Variants in NEK1 observed in about 807,000 individuals in gnomAD.
The protein encoded by NEK1 is NIMA related kinase 1.
A neutral mutation model predicts 182.1 loss-of-function variants in NEK1; 137 were observed. That is an observed-to-expected ratio of 0.75 (90% CI 0.65 to 0.87). The LOEUF is 0.87. Among genes scored for constraint, NEK1 ranks in the 40% least tolerant of loss-of-function variants. The probability of loss-of-function intolerance (pLI) is 0.00; values close to 1 mark genes in which losing one functional copy is unlikely to be tolerated. For synonymous variants in NEK1, 513 were observed against 492.2 expected (o/e 1.04, Z -0.56); for missense variants, 1,391 against 1,494.4 (o/e 0.93, Z 1.14).
At chr4:169,426,262 A>C (rs1561166546) in intron 29 of NEK1, 28 bp from the exon 30 acceptor site, 2 of 1,566,344 alleles carry the variant, frequency 1.3e-6, no homozygotes, top group Non-Finnish European at 1.8e-6. Context: ...ACCAATTAAA[A>C]ACACACACAC....
chr4:169,494,812 T>C (rs1010568957), intron 23 of NEK1, among the ~76,000 whole-genome samples: 16 of 152,234 alleles, frequency 1.1e-4, no homozygotes, highest in African/African-American at 3.6e-4. Flanking sequence ...AGATGGTATC[T>C]CATTGTGGTT....
At chr4:169,397,473 A>C (rs2110961690) in intron 35 of NEK1, among the ~76,000 whole-genome samples, 1 of 147,094 alleles carries the variant, frequency 6.8e-6, no homozygotes, top group East Asian at 1.9e-4. Context: ...ACAATATTTT[A>C]TGGGCTGTAC....
intron 18 of NEK1, among the ~76,000 whole-genome samples, chr4:169,553,570 A>G (rs1465070069): frequency 6.6e-6 from 1 of 152,214 alleles, no homozygotes; most frequent in Non-Finnish European, 1.5e-5. Context: ...GAATGAGAAG[A>G]TGAGCCACAA....
At chr4:169,569,169 T>C (rs1220693752) in intron 12 of NEK1, among the ~76,000 whole-genome samples, 1 of 152,192 alleles carries the variant, frequency 6.6e-6, no homozygotes. Context: ...ATAACTTTAA[T>C]AAAGTCTCTA....
chr4:169,480,335 C>T (rs994668923), intron 23 of NEK1, among the ~76,000 whole-genome samples: 4 of 152,008 alleles, frequency 2.6e-5, no homozygotes, highest in African/African-American at 9.7e-5. Flanking sequence ...AGATATTACG[C>T]ACTTGGTTCC....
At chr4:169,591,039 C>T (rs1768398255) in intron 5 of NEK1, among the ~76,000 whole-genome samples, 1 of 151,934 alleles carries the variant, frequency 6.6e-6, no homozygotes. Flanking sequence ...TCAAAACAAA[C>T]ATGGAAAGTA....
chr4:169,603,826 C>G (rs1770893525), intron 2 of NEK1, among the ~76,000 whole-genome samples: 1 of 151,806 alleles, frequency 6.6e-6, no homozygotes, highest in South Asian at 2.1e-4. Flanking sequence ...CTGCCTCAGC[C>G]TCCCAAGTAG....
At chr4:169,481,554 T>C (rs946291106) in intron 23 of NEK1, among the ~76,000 whole-genome samples, 1 of 152,212 alleles carries the variant, frequency 6.6e-6, no homozygotes, top group Non-Finnish European at 1.5e-5. Context: ...AGCTCTTGGG[T>C]AACTAGGTGC....
intron 23 of NEK1, among the ~76,000 whole-genome samples, chr4:169,501,942 A>G (rs1009444292): frequency 6.6e-6 from 1 of 152,012 alleles, no homozygotes; most frequent in Non-Finnish European, 1.5e-5. Context: ...AGCCATAGAA[A>G]AGATCAAAGA....
intron 27 of NEK1, among the ~76,000 whole-genome samples, chr4:169,444,237 CA>C (rs1740063988): frequency 1.3e-5 from 2 of 151,714 alleles, no homozygotes; most frequent in South Asian, 4.2e-4. Context: ...ATCCAAAAAC[CA>C]ATTAACAAAA....
At chr4:169,449,030 C>G (rs371783313) in intron 27 of NEK1, among the ~76,000 whole-genome samples, 285 of 152,362 alleles carry the variant, frequency 1.9e-3, no homozygotes, top group African/African-American at 6.7e-3. Context: ...GCAGGTCCCA[C>G]GCCCACAGAG....
At chr4:169,490,756 T>C (rs1749909317) in intron 23 of NEK1, among the ~76,000 whole-genome samples, 1 of 151,886 alleles carries the variant, frequency 6.6e-6, no homozygotes, top group Admixed American at 6.6e-5. Context: ...GATAGGTCTT[T>C]TGAAGTTGCC....
intron 18 of NEK1, among the ~76,000 whole-genome samples, chr4:169,544,931 G>A: frequency 6.6e-6 from 1 of 151,062 alleles, no homozygotes; most frequent in East Asian, 1.9e-4. Flanking sequence ...AAAAAAACCA[G>A]CTCCTGGATT....
At chr4:169,505,851 G>A (rs1753166319) in intron 23 of NEK1, among the ~76,000 whole-genome samples, 1 of 151,086 alleles carries the variant, frequency 6.6e-6, no homozygotes, top group Admixed American at 6.6e-5. Context: ...ATTCTGTTAG[G>A]AAAAAAAACC....
rs1190833129 is a variant in NEK1, at chr4:169,406,634, A to G, written c.3336T>C (p.Asp1112=). 6.2e-7 allele frequency: 1 copy of G among 1,607,614 alleles called. No homozygotes were observed. Residue 1112 remains aspartate (D), a synonymous_variant, in exon 32 of 36, where the codon GAT becomes GAC. Transcript: ENST00000507142. ...CAGAAGGTCCTTCTTTAATGTTTTCATCTTCAATTTCATCTATTTCAAGAT... is the reference window on the plus strand; with the variant it reads ...CAGAAGGTCCTTCTTTAATGTTTTCGTCTTCAATTTCATCTATTTCAAGAT... The part of the protein sequence containing the change: ...QDNLEIDEIE[D]ENIKEGPSDS...
intron 8 of NEK1, among the ~76,000 whole-genome samples, chr4:169,588,001 G>A (rs1015005811): frequency 6.6e-6 from 1 of 151,970 alleles, no homozygotes; most frequent in African/African-American, 2.4e-5. Context: ...ATTTGCAACA[G>A]CTACTGACTA....
chr4:169,608,326 G>C (rs12054631), intron 2 of NEK1, among the ~76,000 whole-genome samples: 14,814 of 152,104 alleles, frequency 0.097, 796 homozygotes, highest in East Asian at 0.17. Flanking sequence ...AAATCAGTAG[G>C]AAAAAAGATG....
chr4:169,452,723 A>G (rs946064973), intron 27 of NEK1, among the ~76,000 whole-genome samples: 2 of 152,178 alleles, frequency 1.3e-5, no homozygotes, highest in African/African-American at 4.8e-5. Context: ...AATGGGCAAA[A>G]ACTGGAAGCA....
In NEK1 at chr4:169,400,538, C is replaced by G; in HGVS notation, c.3697G>C (p.Val1233Leu). The change falls in exon 34 of 36, where the codon GTT becomes CTT. Residue 1233 changes from valine (V) to leucine (L), a missense_variant. This residue lies in a region of NEK1 where 1,216 missense variants were observed against 1,277.6 expected (regional missense o/e 0.95). Transcript: ENST00000507142. The stretch of plus-strand genomic sequence containing the variant: ...TCACTTACCTTTATTTTCTCATAAA[C>G]CTCAAAGAATTTTTCAAAGCCCATT... ...QEMGFEKFFEVYEKIKAIHED... is the reference protein window; with the variant it reads ...QEMGFEKFFELYEKIKAIHED... 6.2e-7 allele frequency: 1 copy of G among 1,603,274 alleles called. No homozygotes were observed. Among genetic ancestry groups the G allele is most frequent in the South Asian group, 1.1e-5 (1 of 87,692 alleles).
Sources: allele counts gnomAD v4.1 joint callset (sites outside exome capture counted in the v4.1 genomes callset), GRCh38; gene constraint gnomAD v4.1.1; regional missense constraint gnomAD v4.1.1; transcripts MANE v1.5; gene names NCBI Gene and HGNC (gene_info 2026-07-23, HGNC 2026-07-21).